The following PTPRN2 variants were observed in gnomAD, a reference collection of about 807,000 sequenced individuals.
PTPRN2 encodes protein tyrosine phosphatase receptor type N2.
PTPRN2 carries 74 observed loss-of-function variants against 118.8 expected under a neutral mutation model. That is an observed-to-expected ratio of 0.62 (90% confidence interval 0.52 to 0.76). The LOEUF (loss-of-function observed/expected upper bound fraction) is 0.76. PTPRN2 is among the 30% of genes least tolerant of loss of function. PTPRN2 has a pLI of 0.00. For synonymous variants in PTPRN2, 641 were observed against 608.0 expected, an observed-to-expected ratio of 1.05 and a Z score of -0.80; for missense variants, 1,481 against 1,394.4, an observed-to-expected ratio of 1.06 and a Z score of -0.99.
At chr7:157,684,155 G>C (rs1283087754) in intron 12 of PTPRN2, among the ~76,000 whole-genome samples, 1 of 152,014 alleles carries the variant, frequency 6.6e-6, no homozygotes. Context: ...CGCCGGTCTT[G>C]ACTGGAAAAG....
At chr7:158,423,139 T>A (rs887942826) in intron 2 of PTPRN2, among the ~76,000 whole-genome samples, 5 of 152,214 alleles carry the variant, frequency 3.3e-5, no homozygotes, top group African/African-American at 1.2e-4. Context: ...CTTGTTAAGA[T>A]AGCAAAGAAA....
chr7:158,239,314 C>G (rs1331262418), intron 3 of PTPRN2, among the ~76,000 whole-genome samples: 1 of 152,344 alleles, frequency 6.6e-6, no homozygotes, highest in East Asian at 1.9e-4. Flanking sequence ...ACCTCCAGCT[C>G]TAACCAAGAC....
At chr7:157,790,376 TGGAGTACATGCTCA>T (rs1383324577) in intron 12 of PTPRN2, among the ~76,000 whole-genome samples, 1 of 151,938 alleles carries the variant, frequency 6.6e-6, no homozygotes, top group African/African-American at 2.4e-5. Context: ...GTTCAGGTCC[TGGAGTACATGCTCA>T]GGAACTGTCA....
intron 2 of PTPRN2, among the ~76,000 whole-genome samples, chr7:158,441,057 A>ACAG (rs1817047455): frequency 2.2e-5 from 1 of 45,170 alleles, no homozygotes; most frequent in Non-Finnish European, 5.1e-5. Flanking sequence ...GGTGGTAGTG[A>ACAG]TGGGGGTGGT....
intron 12 of PTPRN2, among the ~76,000 whole-genome samples, chr7:157,687,785 T>C (rs1351062718): frequency 6.6e-6 from 1 of 152,244 alleles, no homozygotes; most frequent in African/African-American, 2.4e-5. Context: ...TTTCAGGCCA[T>C]AGCAAGTGAT....
chr7:158,512,436 C>T (rs1388182508), intron 1 of PTPRN2, among the ~76,000 whole-genome samples: 10 of 152,112 alleles, frequency 6.6e-5, no homozygotes, highest in South Asian at 4.1e-4. Context: ...GAGTTGGAGA[C>T]GTGAATAAGA....
At chr7:157,604,448 T>G (rs1801884288) in intron 15 of PTPRN2, among the ~76,000 whole-genome samples, 1 of 152,178 alleles carries the variant, frequency 6.6e-6, no homozygotes, top group Admixed American at 6.5e-5. Flanking sequence ...TATCCTGGTG[T>G]TTTCCCCCAC....
At chr7:158,169,363 C>T (rs1386666326) in intron 5 of PTPRN2, among the ~76,000 whole-genome samples, 1 of 151,880 alleles carries the variant, frequency 6.6e-6, no homozygotes, top group Non-Finnish European at 1.5e-5. Flanking sequence ...ATGTCTCTGC[C>T]TCCCAAGTAG....
At chr7:158,052,476 C>T (rs1216017394) in intron 11 of PTPRN2, among the ~76,000 whole-genome samples, 1 of 152,208 alleles carries the variant, frequency 6.6e-6, no homozygotes, top group African/African-American at 2.4e-5. Flanking sequence ...GCATCAGCAC[C>T]AAAGGCACCC....
intron 12 of PTPRN2, among the ~76,000 whole-genome samples, chr7:157,689,371 C>T (rs902546348): frequency 6.6e-6 from 1 of 152,320 alleles, no homozygotes; most frequent in South Asian, 2.1e-4. Flanking sequence ...GGCGGGACCA[C>T]GTCCGGGACC....
intron 2 of PTPRN2, among the ~76,000 whole-genome samples, chr7:158,444,564 C>A (rs1262098252): frequency 6.6e-6 from 1 of 152,238 alleles, no homozygotes; most frequent in African/African-American, 2.4e-5. Context: ...CCTGTTAGAG[C>A]AGCTTAGACA....
intron 12 of PTPRN2, among the ~76,000 whole-genome samples, chr7:157,796,925 G>A (rs946777453): frequency 6.6e-6 from 1 of 152,162 alleles, no homozygotes; most frequent in African/African-American, 2.4e-5. Flanking sequence ...TGGGGATTAC[G>A]GTTCGACAGG....
intron 12 of PTPRN2, among the ~76,000 whole-genome samples, chr7:157,896,607 G>A (rs1018351319): frequency 6.5e-5 from 9 of 139,420 alleles, no homozygotes; most frequent in South Asian, 4.7e-4. Flanking sequence ...GTGGGCAGCC[G>A]GGGAGGTGCT....
At chr7:158,406,652 G>A (rs1035606958) in intron 2 of PTPRN2, among the ~76,000 whole-genome samples, 1 of 152,224 alleles carries the variant, frequency 6.6e-6, no homozygotes, top group African/African-American at 2.4e-5. Context: ...GCTGGCATGT[G>A]ACACTGACCA....
chr7:157,811,088 A>G (rs1806001944), intron 12 of PTPRN2, among the ~76,000 whole-genome samples: 1 of 151,830 alleles, frequency 6.6e-6, no homozygotes, highest in Non-Finnish European at 1.5e-5. Flanking sequence ...TGGCTAACAC[A>G]GTGAAACCCC....
intron 1 of PTPRN2, among the ~76,000 whole-genome samples, chr7:158,524,045 G>A (rs528236683): frequency 5.2e-5 from 5 of 96,644 alleles, no homozygotes; most frequent in Admixed American, 3.2e-4. Flanking sequence ...AGTGGAGTCT[G>A]CCCTGGAGTG....
chr7:158,573,666 A>G (rs113341117), intron 1 of PTPRN2, among the ~76,000 whole-genome samples: 1,952 of 152,332 alleles, frequency 0.013, 43 homozygotes, highest in African/African-American at 0.045. Flanking sequence ...ACTGGACCAG[A>G]GACTCTTTTC....
chr7:158,280,230 G>A (rs983398192), intron 3 of PTPRN2, among the ~76,000 whole-genome samples: 5 of 152,284 alleles, frequency 3.3e-5, no homozygotes, highest in South Asian at 2.1e-4. Context: ...TGGTTTTCCC[G>A]GGCCCAATCG....
chr7:158,355,096 G>C (rs1482398060), intron 2 of PTPRN2, among the ~76,000 whole-genome samples: 1 of 151,636 alleles, frequency 6.6e-6, no homozygotes, highest in Admixed American at 6.6e-5. Flanking sequence ...ACAAAGAAGA[G>C]ATAAATTCTT....
Sources: gnomAD v4.1 joint callset for allele counts (sites outside exome capture counted in the v4.1 genomes callset) on GRCh38, gnomAD v4.1.1 for gene constraint, MANE v1.5 for transcripts, NCBI Gene and HGNC (gene_info 2026-07-23, HGNC 2026-07-21) for gene names.